Variants in ETV6 observed in about 807,000 individuals in gnomAD.
ETV6 encodes the protein transcription factor ETV6.
Under a neutral mutation model 51.1 loss-of-function variants are expected in ETV6, and 16 were observed. The observed-to-expected ratio is 0.31, with a 90% CI of 0.21 to 0.48. The LOEUF (loss-of-function observed/expected upper bound fraction) is 0.48. ETV6 is among the 20% of genes least tolerant of loss of function. The probability of loss-of-function intolerance (pLI) is 0.99; values close to 1 mark genes in which losing one functional copy is unlikely to be tolerated. For missense variants in ETV6, 458 were observed against 594.8 expected, an observed-to-expected ratio of 0.77 and a Z score of 2.39; for synonymous variants, 240 against 224.1, an observed-to-expected ratio of 1.07 and a Z score of -0.64.
chr12:11,872,385 C>T (rs1033877324), intron 5 of ETV6, among the ~76,000 whole-genome samples: 1 of 152,138 alleles, frequency 6.6e-6, no homozygotes, highest in Non-Finnish European at 1.5e-5. Flanking sequence ...GGGAATCTAC[C>T]ATAAGCCCAT....
At chr12:11,801,518 C>T (rs1283914833) in intron 2 of ETV6, among the ~76,000 whole-genome samples, 2 of 152,226 alleles carry the variant, frequency 1.3e-5, no homozygotes, top group African/African-American at 4.8e-5. Context: ...GAATGGCCCT[C>T]CAAGGGCATA....
intron 1 of ETV6, among the ~76,000 whole-genome samples, chr12:11,694,553 A>G (rs1446390493): frequency 6.6e-6 from 1 of 152,216 alleles, no homozygotes; most frequent in Non-Finnish European, 1.5e-5. Context: ...TACAGACAGA[A>G]TGGGCACCAC....
At chr12:11,842,425 CACACACACACACACAG>C (rs1490746240) in intron 3 of ETV6, among the ~76,000 whole-genome samples, 2 of 103,652 alleles carry the variant, frequency 1.9e-5, no homozygotes, top group Non-Finnish European at 4.1e-5. Context: ...CACACACACA[CACACACACACACACAG>C]TGTTATACAT....
intron 1 of ETV6, among the ~76,000 whole-genome samples, chr12:11,736,549 G>A (rs952964758): frequency 6.6e-5 from 10 of 152,208 alleles, no homozygotes; most frequent in Admixed American, 2.0e-4. Flanking sequence ...AAGTATTTTT[G>A]AGGAATGGTG....
chr12:11,793,822 G>A (rs1047097191), intron 2 of ETV6, among the ~76,000 whole-genome samples: 4 of 152,234 alleles, frequency 2.6e-5, no homozygotes, highest in Admixed American at 2.0e-4. Context: ...GGAAGGCAGC[G>A]TTCTCCTTTT....
chr12:11,820,655 T>G, intron 2 of ETV6, among the ~76,000 whole-genome samples: 1 of 151,964 alleles, frequency 6.6e-6, no homozygotes, highest in East Asian at 1.9e-4. Flanking sequence ...TCAGCGTGGC[T>G]GGAGCAGAAT....
chr12:11,810,336 G>A (rs536258039), intron 2 of ETV6, among the ~76,000 whole-genome samples: 9 of 152,274 alleles, frequency 5.9e-5, no homozygotes, highest in South Asian at 4.1e-4. Context: ...ATGTAAACCC[G>A]TGAAGAAAAG....
chr12:11,840,901 C>G (rs1946380029), intron 3 of ETV6: 2 of 169,976 alleles, frequency 1.2e-5, no homozygotes, highest in Middle Eastern at 3.1e-3. Context: ...AAATACTTCC[C>G]TTTTCTATTC....
intron 1 of ETV6, among the ~76,000 whole-genome samples, chr12:11,658,299 G>GCTCACTGCA (rs1355585444): frequency 3.9e-5 from 6 of 152,166 alleles, no homozygotes; most frequent in African/African-American, 1.4e-4. Context: ...GCAATGCCGA[G>GCTCACTGCA]ATCTCAGCTC....
intron 2 of ETV6, among the ~76,000 whole-genome samples, chr12:11,830,697 C>T (rs1049922636): frequency 4.6e-5 from 7 of 152,188 alleles, no homozygotes; most frequent in African/African-American, 1.7e-4. Context: ...AACCTGGGGA[C>T]TGTTATGTGC....
chr12:11,894,776 C>T lies in ETV6; in HGVS notation c.*3730C>T, dbSNP rs956702312. On this transcript the variant is annotated 3_prime_UTR_variant, in exon 8 of 8. Transcript: ENST00000396373. ...TGTCAGGGAGGTGAAGTGACTTGCC[C>T]TAGGAGCAGACAGCATGCCAAGAAT... 3 of 233,238 alleles carry T rather than the reference C, an allele frequency of 1.3e-5. No homozygotes were observed. Among genetic ancestry groups the T allele is most frequent in the African/African-American group, 2.2e-5 (1 of 45,306 alleles). The allele number at this position is 233,238 out of a possible 1,614,324, so 14.4% of individuals were successfully genotyped here.
At chr12:11,722,467 T>G (rs564903457) in intron 1 of ETV6, among the ~76,000 whole-genome samples, 1 of 152,242 alleles carries the variant, frequency 6.6e-6, no homozygotes, top group Non-Finnish European at 1.5e-5. Flanking sequence ...AAGCTTTCTT[T>G]TAAGTTTCAT....
chr12:11,740,007 TAA>T (rs1401052084), intron 1 of ETV6, among the ~76,000 whole-genome samples: 1 of 152,196 alleles, frequency 6.6e-6, no homozygotes, highest in Non-Finnish European at 1.5e-5. Flanking sequence ...TAGGTTTTAA[TAA>T]GAGTAAGTTA....
chr12:11,864,229 T>G (rs1294594297), intron 4 of ETV6, among the ~76,000 whole-genome samples: 1 of 152,228 alleles, frequency 6.6e-6, no homozygotes, highest in Non-Finnish European at 1.5e-5. Context: ...CCTCCCAGAC[T>G]TCCTAAGGCC....
chr12:11,806,961 A>G (rs1337005781), intron 2 of ETV6, among the ~76,000 whole-genome samples: 1 of 152,282 alleles, frequency 6.6e-6, no homozygotes, highest in Non-Finnish European at 1.5e-5. Flanking sequence ...AGTGACTTTT[A>G]ATAGGTCTCA....
intron 1 of ETV6, among the ~76,000 whole-genome samples, chr12:11,684,391 G>A (rs895558071): frequency 2.6e-5 from 4 of 152,120 alleles, no homozygotes; most frequent in African/African-American, 4.8e-5. Context: ...TGCTTAGAAA[G>A]TCTTTCTCTA....
intron 2 of ETV6, among the ~76,000 whole-genome samples, chr12:11,804,403 C>T (rs780515567): frequency 3.9e-5 from 6 of 152,206 alleles, no homozygotes; most frequent in Admixed American, 6.5e-5. Context: ...TTGTAAATCT[C>T]GTCAACCTCT....
chr12:11,711,180 C>G (rs535615439), intron 1 of ETV6, among the ~76,000 whole-genome samples: 1 of 152,366 alleles, frequency 6.6e-6, no homozygotes, highest in East Asian at 1.9e-4. Flanking sequence ...AGAATTGAGT[C>G]TGGCATTAAG....
At chr12:11,725,325 G>A (rs950067965) in intron 1 of ETV6, among the ~76,000 whole-genome samples, 7 of 152,170 alleles carry the variant, frequency 4.6e-5, no homozygotes, top group African/African-American at 1.7e-4. Flanking sequence ...ACACTGACGA[G>A]GACTTGGCAG....
Sources: allele counts gnomAD v4.1 joint callset (sites outside exome capture counted in the v4.1 genomes callset), GRCh38; gene constraint gnomAD v4.1.1; transcripts MANE v1.5; gene names NCBI Gene and HGNC (gene_info 2026-07-23, HGNC 2026-07-21).